PCCA: variants seen among roughly 807,000 people sequenced by gnomAD.
PCCA encodes the protein propionyl-CoA carboxylase alpha chain, mitochondrial.
In PCCA, 74 loss-of-function variants were observed where a neutral mutation model predicts 101.3. The observed-to-expected ratio is 0.73, with a 90% CI of 0.61 to 0.89. PCCA has a LOEUF of 0.89. Among genes scored for constraint, PCCA ranks in the 40% least tolerant of loss-of-function variants. PCCA has a pLI of 0.00. For synonymous variants in PCCA, 294 were observed against 313.6 expected (o/e 0.94, Z 0.66); for missense variants, 891 against 907.0 (o/e 0.98, Z 0.23).
At chr13:100,257,153 C>T (rs1566808118) in intron 8 of PCCA, among the ~76,000 whole-genome samples, 1 of 152,118 alleles carries the variant, frequency 6.6e-6, no homozygotes, top group East Asian at 1.9e-4. Flanking sequence ...TGTGACTCTT[C>T]AGATGAAAAT....
intron 19 of PCCA, among the ~76,000 whole-genome samples, chr13:100,396,304 C>T (rs998145871): frequency 2.6e-5 from 4 of 152,180 alleles, no homozygotes; most frequent in East Asian, 3.9e-4. Context: ...CTTTTCTTAG[C>T]CTTAGTTTTC....
At chr13:100,196,440 C>G (rs961771614) in intron 6 of PCCA, among the ~76,000 whole-genome samples, 5 of 152,224 alleles carry the variant, frequency 3.3e-5, no homozygotes, top group Admixed American at 3.3e-4. Context: ...AAGTGGGAAA[C>G]TTAACTTCTG....
chr13:100,428,062 AT>A (rs879715535), intron 20 of PCCA, among the ~76,000 whole-genome samples: 166 of 146,186 alleles, frequency 1.1e-3, no homozygotes, highest in African/African-American at 2.1e-3. Flanking sequence ...TAAAGCCATG[AT>A]TTTTTTTTTT....
chr13:100,229,481 C>G (rs983362326), intron 7 of PCCA, among the ~76,000 whole-genome samples: 2 of 152,196 alleles, frequency 1.3e-5, no homozygotes, highest in Non-Finnish European at 2.9e-5. Context: ...ACAATTTAGC[C>G]TAAATATTTG....
chr13:100,487,748 A>G (rs1424660979), intron 21 of PCCA, among the ~76,000 whole-genome samples: 1 of 152,080 alleles, frequency 6.6e-6, no homozygotes, highest in Non-Finnish European at 1.5e-5. Flanking sequence ...TTTTTGAGAC[A>G]GGGTCTCCCT....
At chr13:100,254,599 T>C (rs903711789) in intron 8 of PCCA, among the ~76,000 whole-genome samples, 1 of 152,238 alleles carries the variant, frequency 6.6e-6, no homozygotes, top group Non-Finnish European at 1.5e-5. Flanking sequence ...GATGAGGGAC[T>C]GAACTGTTGG....
At chr13:100,192,066 G>C (rs2057779792) in intron 6 of PCCA, among the ~76,000 whole-genome samples, 1 of 152,168 alleles carries the variant, frequency 6.6e-6, no homozygotes, top group African/African-American at 2.4e-5. Flanking sequence ...AGCAAAGGGG[G>C]AGGAATTTGT....
intron 19 of PCCA, among the ~76,000 whole-genome samples, chr13:100,377,437 G>A (rs2075986085): frequency 6.6e-6 from 1 of 151,990 alleles, no homozygotes; most frequent in African/African-American, 2.4e-5. Flanking sequence ...TTTCTTGCAG[G>A]CAGCATATAT....
intron 18 of PCCA, among the ~76,000 whole-genome samples, chr13:100,348,841 C>CTT (rs775263486): frequency 3.2e-4 from 17 of 52,760 alleles, no homozygotes; most frequent in Non-Finnish European, 5.9e-4. Flanking sequence ...CTCTCTTTTT[C>CTT]TCTTTCTCTC....
chr13:100,347,428 C>G (rs1414911767), intron 18 of PCCA, among the ~76,000 whole-genome samples: 1 of 152,126 alleles, frequency 6.6e-6, no homozygotes, highest in Non-Finnish European at 1.5e-5. Flanking sequence ...TACCTACACT[C>G]TTTTTTTCTT....
At chr13:100,139,140 T>C (rs1042833805) in intron 4 of PCCA, among the ~76,000 whole-genome samples, 6 of 151,942 alleles carry the variant, frequency 3.9e-5, no homozygotes, top group African/African-American at 1.4e-4. Flanking sequence ...TTATAGTTAA[T>C]GTGTTGTTTT....
At chr13:100,464,601 T>G (rs1252692865) in intron 21 of PCCA, 1 of 152,186 alleles carries the variant, frequency 6.6e-6, no homozygotes, top group Admixed American at 6.5e-5. Flanking sequence ...AAAATATTGT[T>G]CCCTTTTATT....
chr13:100,363,536 C>T (rs1016307867), intron 18 of PCCA, among the ~76,000 whole-genome samples: 2 of 152,194 alleles, frequency 1.3e-5, no homozygotes, highest in African/African-American at 4.8e-5. Context: ...GGCCCACTTT[C>T]TGAAGGCCTT....
intron 6 of PCCA, among the ~76,000 whole-genome samples, chr13:100,194,036 A>G (rs907105175): frequency 6.6e-6 from 1 of 151,580 alleles, no homozygotes; most frequent in African/African-American, 2.4e-5. Flanking sequence ...GTGCCACTGC[A>G]CTCCAGCCTG....
At chr13:100,106,530 C>T (rs1345598867) in intron 2 of PCCA, among the ~76,000 whole-genome samples, 1 of 152,112 alleles carries the variant, frequency 6.6e-6, no homozygotes, top group African/African-American at 2.4e-5. Flanking sequence ...CCTGCCTCAG[C>T]CTCCCGAGTA....
chr13:100,420,771 T>C (rs1200178010), intron 19 of PCCA, among the ~76,000 whole-genome samples: 1 of 152,042 alleles, frequency 6.6e-6, no homozygotes, highest in African/African-American at 2.4e-5. Flanking sequence ...ACCAGAGAAA[T>C]AGAAATTAGT....
chr13:100,488,175 C>A (rs1053490625), intron 21 of PCCA, among the ~76,000 whole-genome samples: 2 of 152,202 alleles, frequency 1.3e-5, no homozygotes, highest in African/African-American at 4.8e-5. Flanking sequence ...CTCACCGCAA[C>A]CTCTGCCCCC....
At chr13:100,473,701 CT>C (rs2083197648) in intron 21 of PCCA, among the ~76,000 whole-genome samples, 4 of 152,228 alleles carry the variant, frequency 2.6e-5, no homozygotes, top group African/African-American at 9.6e-5. Context: ...TATCCCACCC[CT>C]AGCCTGCTCC....
intron 4 of PCCA, among the ~76,000 whole-genome samples, chr13:100,124,212 C>G (rs761081862): frequency 6.6e-6 from 1 of 152,026 alleles, no homozygotes; most frequent in African/African-American, 2.4e-5. Context: ...AATCTTCATT[C>G]CCAAAGAGGA....
Sources: gnomAD v4.1 joint callset for allele counts (sites outside exome capture counted in the v4.1 genomes callset) on GRCh38, gnomAD v4.1.1 for gene constraint, MANE v1.5 for transcripts, NCBI Gene and HGNC (gene_info 2026-07-23, HGNC 2026-07-21) for gene names.